Variants in CDH13 observed in about 807,000 individuals in gnomAD.
CDH13 encodes cadherin 13.
In CDH13, 24 loss-of-function variants were observed where a neutral mutation model predicts 63.8. The ratio of observed to expected loss-of-function variants is 0.38; its 90% CI spans 0.27 to 0.53. The LOEUF (loss-of-function observed/expected upper bound fraction) is 0.53, where lower values mean the gene tolerates loss of function less well. CDH13 is among the 20% of genes least tolerant of loss of function. The pLI is 0.85. For missense variants in CDH13, 1,049 were observed against 903.1 expected (o/e 1.16, Z -2.07); for synonymous variants, 503 against 355.3 (o/e 1.42, Z -4.67).
chr16:83,463,224 T>C lies in CDH13; in HGVS notation c.782-23253T>C, dbSNP rs543400743. ...CAGGGACCAAGGCCCAGGCGTCAGA[T>C]AGCACAGCCAGCTGGTGAAAGTTCA... On this transcript the variant is annotated intron_variant, in intron 6 of 13. Coordinates refer to ENST00000567109, the MANE Select transcript of CDH13 (RefSeq NM_001257.5). 1.2e-4 allele frequency among the ~76,000 whole-genome samples: 18 copies of C among 152,296 alleles called. No homozygotes were observed. The East Asian group carries it at 3.3e-3, about 28-fold the overall frequency.
At chr16:83,191,574 T>C (rs1262743940) in intron 4 of CDH13, among the ~76,000 whole-genome samples, 1 of 140,054 alleles carries the variant, frequency 7.1e-6, no homozygotes, top group Non-Finnish European at 1.5e-5. Flanking sequence ...CACATATATA[T>C]GAAGGGGAGT....
At chr16:82,755,134 C>G (rs1008848576) in intron 1 of CDH13, among the ~76,000 whole-genome samples, 2 of 152,206 alleles carry the variant, frequency 1.3e-5, no homozygotes, top group African/African-American at 2.4e-5. Flanking sequence ...GCAGTGTTCT[C>G]TTTGTCCAAA....
intron 7 of CDH13, among the ~76,000 whole-genome samples, chr16:83,555,840 AC>A (rs1273426213): frequency 3.9e-5 from 6 of 152,196 alleles, no homozygotes; most frequent in Non-Finnish European, 7.3e-5. Flanking sequence ...AACATCTTAG[AC>A]AGTTGCAAGG....
chr16:82,985,628 C>T (rs753658031), intron 2 of CDH13, among the ~76,000 whole-genome samples: 12 of 152,054 alleles, frequency 7.9e-5, no homozygotes, highest in Non-Finnish European at 1.3e-4. Flanking sequence ...TGGGCAGGAC[C>T]CTCACCCTCT....
chr16:83,152,707 G>A (rs1057365522), intron 4 of CDH13, among the ~76,000 whole-genome samples: 6 of 152,136 alleles, frequency 3.9e-5, no homozygotes, highest in South Asian at 2.1e-4. Context: ...TGGTTGTTAC[G>A]GGCTGAATTG....
chr16:83,157,424 T>A (rs964187276), intron 4 of CDH13, among the ~76,000 whole-genome samples: 2 of 152,162 alleles, frequency 1.3e-5, no homozygotes, highest in Admixed American at 6.5e-5. Context: ...CAGAGAGATT[T>A]TGGAAACATC....
chr16:83,499,300 G>A (rs965074873), intron 7 of CDH13, among the ~76,000 whole-genome samples: 9 of 152,202 alleles, frequency 5.9e-5, no homozygotes, highest in Non-Finnish European at 1.2e-4. Flanking sequence ...GTTTATACAC[G>A]TAGAGCATCT....
rs74927501 is a variant in CDH13, at chr16:83,170,426, C to G, written c.483+44925C>G. 1.4e-4 allele frequency among the ~76,000 whole-genome samples: 22 copies of G among 152,010 alleles called. 1 individual carries two copies. The highest frequency in any genetic ancestry group is 1.4e-3 in the Admixed American group (22 of 15,242). ...ACAGGGTTCCCAAACTGGAAGATGACAACATAGGAGAAGCTTCCAGTTTTC... is the reference window on the plus strand; with the variant it reads ...ACAGGGTTCCCAAACTGGAAGATGAGAACATAGGAGAAGCTTCCAGTTTTC... On this transcript the variant is annotated intron_variant, in intron 4 of 13. Transcript: ENST00000567109.
intron 5 of CDH13, among the ~76,000 whole-genome samples, chr16:83,279,855 C>CTTAT (rs2089110181): frequency 6.9e-6 from 1 of 145,264 alleles, no homozygotes; most frequent in Non-Finnish European, 1.5e-5. Flanking sequence ...TTTTTTTTTG[C>CTTAT]TTTTCCAGTA....
intron 2 of CDH13, among the ~76,000 whole-genome samples, chr16:82,983,091 C>T (rs1250151167): frequency 6.6e-6 from 1 of 152,132 alleles, no homozygotes; most frequent in African/African-American, 2.4e-5. Flanking sequence ...TATCTTTCCT[C>T]ACCAAAGACT....
chr16:83,041,150 C>T (rs1917298666), intron 3 of CDH13, among the ~76,000 whole-genome samples: 1 of 152,108 alleles, frequency 6.6e-6, no homozygotes, highest in Non-Finnish European at 1.5e-5. Flanking sequence ...TACAAGTTGC[C>T]TCAATAAAGG....
intron 2 of CDH13, among the ~76,000 whole-genome samples, chr16:82,889,776 T>G (rs2041015573): frequency 6.6e-6 from 1 of 152,256 alleles, no homozygotes; most frequent in South Asian, 2.1e-4. Context: ...TAGTTCCATT[T>G]GAAAGTCCAT....
chr16:83,713,947 A>G (rs1908482674), intron 10 of CDH13, among the ~76,000 whole-genome samples: 1 of 152,214 alleles, frequency 6.6e-6, no homozygotes, highest in South Asian at 2.1e-4. Flanking sequence ...ACAGCTCCCC[A>G]GCTCTGCACC....
At chr16:82,661,205 A>T (rs148343729) in intron 1 of CDH13, among the ~76,000 whole-genome samples, 1 of 152,160 alleles carries the variant, frequency 6.6e-6, no homozygotes, top group Non-Finnish European at 1.5e-5. Context: ...GGTTGGCTTC[A>T]AGCTCTCCCC....
At chr16:82,852,670 C>G (rs1389198606) in intron 1 of CDH13, among the ~76,000 whole-genome samples, 1 of 152,128 alleles carries the variant, frequency 6.6e-6, no homozygotes, top group Non-Finnish European at 1.5e-5. Flanking sequence ...AAATCTAAAG[C>G]AAAAGTTGCC....
intron 2 of CDH13, among the ~76,000 whole-genome samples, chr16:82,936,675 G>A (rs575624341): frequency 1.3e-5 from 2 of 152,234 alleles, no homozygotes; most frequent in Admixed American, 6.5e-5. Flanking sequence ...AGATCGTAAC[G>A]TTCATATTGA....
intron 3 of CDH13, among the ~76,000 whole-genome samples, chr16:83,105,293 A>G (rs148243367): frequency 6.6e-6 from 1 of 152,228 alleles, no homozygotes; most frequent in Admixed American, 6.5e-5. Flanking sequence ...ATACAAAGTC[A>G]AACGCTGTTT....
At chr16:83,159,046 C>T (rs1420595411) in intron 4 of CDH13, among the ~76,000 whole-genome samples, 2 of 152,190 alleles carry the variant, frequency 1.3e-5, no homozygotes, top group African/African-American at 4.8e-5. Context: ...CATAGTCAGA[C>T]ACCTTCAACT....
intron 8 of CDH13, among the ~76,000 whole-genome samples, chr16:83,660,814 C>G (rs1913370047): frequency 6.6e-6 from 1 of 152,166 alleles, no homozygotes; most frequent in Non-Finnish European, 1.5e-5. Flanking sequence ...TTTCAATTAT[C>G]TTGTCAGATG....
Sources: allele counts gnomAD v4.1 joint callset (sites outside exome capture counted in the v4.1 genomes callset), GRCh38; gene constraint gnomAD v4.1.1; transcripts MANE v1.5; gene names NCBI Gene and HGNC (gene_info 2026-07-23, HGNC 2026-07-21).